The following CORO2A variants were observed in gnomAD, a reference collection of about 807,000 sequenced individuals.
CORO2A encodes coronin 2A.
A neutral mutation model predicts 62.4 loss-of-function variants in CORO2A; 47 were observed. The observed-to-expected ratio is 0.75, with a 90% CI of 0.60 to 0.96. The LOEUF (loss-of-function observed/expected upper bound fraction) is 0.96. CORO2A is among the 40% of genes least tolerant of loss of function. The pLI is 0.00. For missense variants in CORO2A, 610 were observed against 684.1 expected (o/e 0.89, Z 1.21); for synonymous variants, 273 against 268.9 (o/e 1.02, Z -0.15).
intron 1 of CORO2A, among the ~76,000 whole-genome samples, chr9:98,174,657 G>A (rs1427439696): frequency 6.6e-6 from 1 of 152,134 alleles, no homozygotes; most frequent in African/African-American, 2.4e-5. Context: ...GTTCTCATGA[G>A]ATCTGATGGT....
chr9:98,154,358 AAT>A (rs1827774124), intron 2 of CORO2A, among the ~76,000 whole-genome samples: 1 of 56,002 alleles, frequency 1.8e-5, no homozygotes, highest in African/African-American at 7.3e-5. Context: ...TATATACACA[AAT>A]ACATATATAT....
intron 1 of CORO2A, among the ~76,000 whole-genome samples, chr9:98,174,358 A>G (rs1228735760): frequency 6.6e-6 from 1 of 152,248 alleles, no homozygotes; most frequent in Non-Finnish European, 1.5e-5. Flanking sequence ...GCAAGTGCTC[A>G]GCCAGGTGTT....
chr9:98,157,519 T>C lies in CORO2A; in HGVS notation c.142A>G (p.Ile48Val). 6.2e-7 allele frequency: 1 copy of C among 1,614,040 alleles called. No homozygotes were observed. Among genetic ancestry groups the C allele is most frequent in the African/African-American group, 1.3e-5 (1 of 75,008 alleles). The change falls in exon 2 of 12, where the codon ATT becomes GTT. Residue 48 changes from isoleucine to valine, a missense_variant. Ile to Val is a conservative substitution (Grantham distance 29). Transcript: ENST00000375077. ...CCAGCACACTCAGTCACAACTGCAA[T>C]GAAGTGGGGGTTCACGGCACAGAAG... ...NHFCAVNPHF[I>V]AVVTECAGGG...
intron 1 of CORO2A, among the ~76,000 whole-genome samples, chr9:98,181,793 C>T (rs1428863018): frequency 6.6e-6 from 1 of 152,130 alleles, no homozygotes; most frequent in Non-Finnish European, 1.5e-5. Flanking sequence ...CCATCCATCC[C>T]CTCGCAGGCC....
intron 1 of CORO2A, among the ~76,000 whole-genome samples, chr9:98,160,053 G>A (rs1325989288): frequency 2.0e-5 from 3 of 152,246 alleles, no homozygotes; most frequent in Non-Finnish European, 4.4e-5. Flanking sequence ...CCTTTAGACA[G>A]CACCAGGTAG....
At chr9:98,131,667 C>T (rs1422628828) in intron 6 of CORO2A, among the ~76,000 whole-genome samples, 1 of 152,118 alleles carries the variant, frequency 6.6e-6, no homozygotes, top group African/African-American at 2.4e-5. Flanking sequence ...TCTTCCCCTA[C>T]CTGTTTTTTA....
intron 1 of CORO2A, among the ~76,000 whole-genome samples, chr9:98,164,662 G>A (rs1337444238): frequency 6.6e-6 from 1 of 152,198 alleles, no homozygotes; most frequent in African/African-American, 2.4e-5. Context: ...CTCTTGGCAC[G>A]AGGTGTCTTA....
Position 98,126,757 on chromosome 9 carries a change from C to T in CORO2A, c.1238G>A (p.Arg413Lys). 1 of 1,614,204 alleles carries T rather than the reference C, an allele frequency of 6.2e-7. No homozygotes were observed. Among genetic ancestry groups the T allele is most frequent in the Non-Finnish European group, 8.5e-7 (1 of 1,180,044 alleles). Reference protein sequence around the residue: ...LLRPHPLPAERPIFNSMAPAS... With the variant: ...LLRPHPLPAEKPIFNSMAPAS... ...TGGGGCCATGGAATTGAAGATAGGT[C>T]TCTCTGCAGGCAGTGGGTGGGGTCT... Residue 413 changes from arginine to lysine, a missense_variant, in exon 11 of 12, where the codon AGA (arginine) becomes AAA (lysine). By Grantham distance (26) the Arg-to-Lys change is conservative (BLOSUM62 2). Coordinates refer to ENST00000375077, the MANE Select transcript of CORO2A (RefSeq NM_052820.4).
intron 1 of CORO2A, among the ~76,000 whole-genome samples, chr9:98,175,919 A>G (rs981884196): frequency 6.6e-6 from 1 of 152,242 alleles, no homozygotes; most frequent in African/African-American, 2.4e-5. Flanking sequence ...TAAACTCAAA[A>G]TAAGTAAATA....
At chr9:98,163,741 T>TGTGAGA (rs1253283361) in intron 1 of CORO2A, among the ~76,000 whole-genome samples, 17 of 139,542 alleles carry the variant, frequency 1.2e-4, no homozygotes, top group African/African-American at 3.9e-4. Context: ...TGTGTGTGTG[T>TGTGAGA]GAGAGAGAGA....
chr9:98,153,692 A>ACT (rs1554744903), intron 2 of CORO2A, among the ~76,000 whole-genome samples: 15 of 145,058 alleles, frequency 1.0e-4, no homozygotes, highest in African/African-American at 2.8e-4. Context: ...ACACACACAC[A>ACT]CTCACACACA....
intron 1 of CORO2A, among the ~76,000 whole-genome samples, chr9:98,189,924 G>T (rs1023017517): frequency 1.3e-5 from 2 of 150,488 alleles, no homozygotes; most frequent in Non-Finnish European, 2.9e-5. Flanking sequence ...TCGCTCTGTC[G>T]CCCAGGCTGG....
intron 10 of CORO2A, among the ~76,000 whole-genome samples, chr9:98,127,779 C>G (rs1827346499): frequency 7.4e-6 from 1 of 134,662 alleles, no homozygotes; most frequent in Admixed American, 8.5e-5. Flanking sequence ...GATTGTACCA[C>G]TGCACTCCAG....
chr9:98,135,055 A>G, intron 3 of CORO2A, 100 bp from the exon 4 acceptor site: 4 of 1,480,304 alleles, frequency 2.7e-6, no homozygotes, highest in Non-Finnish European at 2.7e-6. Context: ...AGAAGGACCA[A>G]GGGAGCTCTC....
intron 2 of CORO2A, among the ~76,000 whole-genome samples, chr9:98,155,399 T>G (rs1827789236): frequency 1.4e-5 from 2 of 143,392 alleles, no homozygotes; most frequent in African/African-American, 5.3e-5. Flanking sequence ...CAGGCTAGAG[T>G]GCAGTGGCAT....
At position 98,132,266 on chromosome 9, in the gene CORO2A, C is replaced by T. The variant is rs1286748432; in HGVS notation, c.684G>A (p.Val228=). ...GCTTCTTCAGGTTCCCCAGAAACAGCACTTTGCTGGCCCGGTGCCCTTTGT... is the reference window on the plus strand; with the variant it reads ...GCTTCTTCAGGTTCCCCAGAAACAGTACTTTGCTGGCCCGGTGCCCTTTGT... ...ASYKGHRASK[V]LFLGNLKKLM... The change falls in exon 6 of 12, where the codon GTG becomes GTA. Residue 228 remains valine, a synonymous_variant. Transcript: ENST00000375077. The T allele has an allele frequency of 6.2e-7, 1 of 1,614,130 alleles. No homozygotes were observed. Among genetic ancestry groups the T allele is most frequent in the Non-Finnish European group, 8.5e-7 (1 of 1,180,026 alleles).
At chr9:98,174,950 A>G (rs1333570593) in intron 1 of CORO2A, among the ~76,000 whole-genome samples, 4 of 152,118 alleles carry the variant, frequency 2.6e-5, no homozygotes, top group Non-Finnish European at 5.9e-5. Flanking sequence ...AAACTTTGCT[A>G]TGTATATATC....
intron 1 of CORO2A, among the ~76,000 whole-genome samples, chr9:98,182,104 T>C (rs1202406890): frequency 6.6e-6 from 1 of 152,188 alleles, no homozygotes; most frequent in Non-Finnish European, 1.5e-5. Context: ...TCTGTGGGAC[T>C]CTACGATTAC....
chr9:98,142,438 A>T (rs186960404), intron 2 of CORO2A, among the ~76,000 whole-genome samples: 178 of 151,894 alleles, frequency 1.2e-3, no homozygotes, highest in Middle Eastern at 3.4e-3. Context: ...TCCTGCACAC[A>T]GCCTTTCCTT....
Sources: gnomAD v4.1 joint callset for allele counts (sites outside exome capture counted in the v4.1 genomes callset) on GRCh38, gnomAD v4.1.1 for gene constraint, MANE v1.5 for transcripts, NCBI Gene and HGNC (gene_info 2026-07-23, HGNC 2026-07-21) for gene names.